Variants in GHITM observed in about 807,000 individuals in gnomAD.
The protein encoded by GHITM is growth hormone-inducible transmembrane protein.
A neutral mutation model predicts 38.7 loss-of-function variants in GHITM; 24 were observed. That is an observed-to-expected ratio of 0.62 (90% CI 0.45 to 0.87). The LOEUF is 0.87. GHITM is among the 40% of genes least tolerant of loss of function. The pLI is 0.00. For missense variants in GHITM, 420 were observed against 429.8 expected (o/e 0.98, Z 0.20); for synonymous variants, 154 against 147.8 (o/e 1.04, Z -0.30).
Position 84,150,204 on chromosome 10 carries a change from C to T in GHITM, c.742C>T (p.Leu248=), listed in dbSNP as rs752861298. ...AAAGTTTCTGAACATGGGTGCACCC[C>T]TGGGAGTGGGCCTGGGTCTCGTCTT... is the stretch of plus-strand genomic sequence containing the variant. ...SEKFLNMGAP[L]GVGLGLVFVS... Residue 248 remains leucine, a synonymous_variant, in exon 7 of 9, where the codon CTG becomes TTG. Coordinates refer to ENST00000372134, the MANE Select transcript of GHITM (RefSeq NM_014394.3). 2.5e-6 allele frequency: 4 copies of T among 1,612,842 alleles called. No individual in the cohort carries two copies. Among genetic ancestry groups the T allele is most frequent in the Non-Finnish European group, 3.4e-6 (4 of 1,179,658 alleles).
chr10:84,141,886 T>G (rs977415858), intron 2 of GHITM, among the ~76,000 whole-genome samples: 2 of 152,100 alleles, frequency 1.3e-5, no homozygotes, highest in African/African-American at 2.4e-5. Flanking sequence ...TAGAGTACAT[T>G]GTGAGGGATT....
chr10:84,142,534 A>G (rs1564641563), intron 2 of GHITM, 121 bp from the exon 3 acceptor site: 2 of 506,040 alleles, frequency 4.0e-6, no homozygotes, highest in Non-Finnish European at 7.1e-6. Context: ...GAAGTTAGGT[A>G]TATAGAAAGT....
At chr10:84,152,059 T>C (rs1841617655) in intron 8 of GHITM, among the ~76,000 whole-genome samples, 1 of 152,228 alleles carries the variant, frequency 6.6e-6, no homozygotes, top group Non-Finnish European at 1.5e-5. Context: ...AACTGCTCTT[T>C]AACATTTAAA....
chr10:84,147,247 T>C (rs1039934799), intron 5 of GHITM, among the ~76,000 whole-genome samples: 1 of 152,190 alleles, frequency 6.6e-6, no homozygotes, highest in Non-Finnish European at 1.5e-5. Context: ...GAGCTCGATA[T>C]GCTTTTCTTT....
chr10:84,141,390 C>T (rs1409647808), intron 1 of GHITM, 72 bp from the exon 2 acceptor site: 13 of 839,890 alleles, frequency 1.5e-5, no homozygotes, highest in Middle Eastern at 4.6e-4. Flanking sequence ...TCTCATATGT[C>T]CTTCTCTTAA....
chr10:84,149,870 T>C (rs1273722229), intron 6 of GHITM, among the ~76,000 whole-genome samples, 185 bp from the exon 7 acceptor site: 2 of 152,226 alleles, frequency 1.3e-5, no homozygotes, highest in South Asian at 2.1e-4. Flanking sequence ...TGTTGTGATA[T>C]AGAATTTGAG....
At position 84,142,685 on chromosome 10, in the gene GHITM, C is replaced by T. The variant is rs1359629739; in HGVS notation, c.160C>T (p.Arg54Trp). The change falls in exon 3 of 9, where the codon CGG becomes TGG. Residue 54 changes from arginine to tryptophan, a missense_variant. Physicochemically the swap from Arg to Trp is moderately radical, Grantham distance 101 (BLOSUM62 -3). Coordinates refer to ENST00000372134, the MANE Select transcript of GHITM (RefSeq NM_014394.3). ...EYATKTRIGI[R>W]RGRTGQELKE... Reference sequence around the variant, plus strand: ...TGCCACCAAAACAAGAATTGGGATCCGGCGTGGGAGAACTGGCCAAGAACT... The same window carrying T: ...TGCCACCAAAACAAGAATTGGGATCTGGCGTGGGAGAACTGGCCAAGAACT... 15 of 1,612,052 alleles carry T rather than the reference C, an allele frequency of 9.3e-6. No individual in the cohort carries two copies. The highest frequency in any genetic ancestry group is 6.7e-5 in the East Asian group (3 of 44,780).
chr10:84,151,027 G>T, intron 8 of GHITM, 147 bp downstream of exon 8: 1 of 557,546 alleles, frequency 1.8e-6, no homozygotes, highest in South Asian at 2.5e-5. Context: ...AACAAAACTT[G>T]ATTCTCTTGT....
chr10:84,141,594 A>G lies in GHITM; in HGVS notation c.94A>G (p.Ile32Val). ...GGCCTCCCCTGTTGTGAAGAATTCC[A>G]TCACGAAGAATCAATGGCTGTTAAC... The part of the protein sequence containing the change: ...TKASPVVKNS[I>V]TKNQWLLTPS... Residue 32 changes from isoleucine to valine, a missense_variant, in exon 2 of 9, where the codon ATC (isoleucine) becomes GTC (valine). Coordinates refer to ENST00000372134, the MANE Select transcript of GHITM (RefSeq NM_014394.3). 6.2e-7 allele frequency: 1 copy of G among 1,613,670 alleles called. No individual in the cohort carries two copies. The highest frequency in any genetic ancestry group is 8.5e-7 in the Non-Finnish European group (1 of 1,179,528).
At chr10:84,147,008 T>A (rs1432043881) in intron 5 of GHITM, among the ~76,000 whole-genome samples, 2 of 152,058 alleles carry the variant, frequency 1.3e-5, no homozygotes, top group Non-Finnish European at 2.9e-5. Context: ...AGTACCAGAG[T>A]AAGTCGACCA....
At chr10:84,150,637 A>T in intron 7 of GHITM, 72 bp from the exon 8 acceptor site, 1 of 1,195,216 alleles carries the variant, frequency 8.4e-7, no homozygotes, top group Admixed American at 2.4e-5. Context: ...TTTTTTAAGT[A>T]ATATAAATCA....
chr10:84,141,661 T>C, intron 2 of GHITM, 32 bp downstream of exon 2: 1 of 1,608,696 alleles, frequency 6.2e-7, no homozygotes. Flanking sequence ...TTATATTGCT[T>C]CTTTTTCCAT....
intron 3 of GHITM, 77 bp from the exon 4 acceptor site, chr10:84,143,918 G>C: frequency 1.0e-6 from 1 of 979,348 alleles, no homozygotes; most frequent in Non-Finnish European, 1.7e-6. Flanking sequence ...TACATGATTT[G>C]ATTCCCTTGA....
chr10:84,150,635 G>T, intron 7 of GHITM, 74 bp from the exon 8 acceptor site: 2 of 1,172,848 alleles, frequency 1.7e-6, no homozygotes, highest in Admixed American at 2.5e-5. Context: ...TTTTTTTTAA[G>T]TAATATAAAT....
chr10:84,144,534 A>G (rs1841539082), intron 4 of GHITM, among the ~76,000 whole-genome samples: 1 of 152,032 alleles, frequency 6.6e-6, no homozygotes, highest in South Asian at 2.1e-4. Context: ...TTGTATTTTT[A>G]GTAGAGACGG....
At chr10:84,143,965 C>T (rs1463568986) in intron 3 of GHITM, 30 bp from the exon 4 acceptor site, 1 of 1,376,730 alleles carries the variant, frequency 7.3e-7, no homozygotes, top group Non-Finnish European at 1.0e-6. Context: ...TGTGCCAGTA[C>T]TAACCTGCAT....
At chr10:84,143,266 A>C (rs1589274768) in intron 3 of GHITM, among the ~76,000 whole-genome samples, 1 of 152,344 alleles carries the variant, frequency 6.6e-6, no homozygotes, top group Non-Finnish European at 1.5e-5. Flanking sequence ...TCCTAAAGCT[A>C]TTCAAAGAAT....
rs138082795 is a variant in GHITM, at chr10:84,150,329, T to C, written c.781+86T>C. ...TCCAATATCCTAATTGATTGAGTCA[T>C]TTATTTTAAAAGTTTTTTTAAAGAT... On this transcript the variant is annotated intron_variant, in intron 7 of 8. Transcript: ENST00000372134. 1,175 of 1,073,240 alleles carry C rather than the reference T, an allele frequency of 1.1e-3. 10 individuals carry two copies. The African/African-American group carries it at 0.017, about 15-fold the overall frequency. 66.5% of individuals were successfully genotyped at this position (1,073,240 alleles called of 1,614,324 possible). A position where few individuals can be genotyped will look rare whatever the true frequency, so the allele number is the denominator to read the frequency against.
chr10:84,152,013 T>C (rs530003422), intron 8 of GHITM, among the ~76,000 whole-genome samples: 2 of 152,238 alleles, frequency 1.3e-5, no homozygotes, highest in African/African-American at 2.4e-5. Flanking sequence ...AGTTGATATA[T>C]GCAGAGTGTC....
Sources: gnomAD v4.1 joint callset for allele counts (sites outside exome capture counted in the v4.1 genomes callset) on GRCh38, gnomAD v4.1.1 for gene constraint, MANE v1.5 for transcripts, NCBI Gene and HGNC (gene_info 2026-07-23, HGNC 2026-07-21) for gene names.